Variants in PPP1CC observed in about 807,000 individuals in gnomAD.
PPP1CC encodes the protein protein phosphatase 1 catalytic subunit gamma.
PPP1CC carries 16 observed loss-of-function variants against 38.4 expected under a neutral mutation model. The observed-to-expected ratio is 0.42, with a 90% CI of 0.28 to 0.63. The LOEUF (loss-of-function observed/expected upper bound fraction) is 0.63, where lower values mean the gene tolerates loss of function less well. Ranked by LOEUF, PPP1CC falls within the 30% of genes least tolerant of loss-of-function variation. The pLI is 0.25. For synonymous variants in PPP1CC, 158 were observed against 136.0 expected, an observed-to-expected ratio of 1.16 and a Z score of -1.13; for missense variants, 170 against 391.3, an observed-to-expected ratio of 0.43 and a Z score of 4.77.
chr12:110,721,228 A>T lies in PPP1CC; in HGVS notation c.883-63T>A, dbSNP rs2069735648. 2.1e-6 allele frequency: 3 copies of T among 1,400,520 alleles called. No homozygotes were observed. The East Asian group carries it at 6.9e-5, about 32-fold the overall frequency. 86.8% of individuals were successfully genotyped at this position (1,400,520 alleles called of 1,614,324 possible). A position where few individuals can be genotyped will look rare whatever the true frequency, so the allele number is the denominator to read the frequency against. ...TCAACCCCAAATCTTAAGAGTCCTT[A>T]AATTTCATTCAGATCTTCTGTTCAG... On this transcript the variant is annotated intron_variant, in intron 6 of 6. Transcript: ENST00000335007.
At chr12:110,728,390 T>TC (rs2069831519) in intron 3 of PPP1CC, among the ~76,000 whole-genome samples, 1 of 122,012 alleles carries the variant, frequency 8.2e-6, no homozygotes, top group Non-Finnish European at 1.7e-5. Context: ...AGAGCGAGAC[T>TC]CCGTCTCAAA....
Position 110,719,931 on chromosome 12 carries a change from C to T in PPP1CC, c.*1145G>A. The T allele has an allele frequency of 1.9e-6, 1 of 515,694 alleles. No homozygotes were observed. The highest frequency in any genetic ancestry group is 3.4e-6 in the Non-Finnish European group (1 of 293,566). 31.9% of individuals were successfully genotyped at this position (515,694 alleles called of 1,614,324 possible). A position where few individuals can be genotyped will look rare whatever the true frequency, so the allele number is the denominator to read the frequency against. On this transcript the variant is annotated 3_prime_UTR_variant, in exon 7 of 7. Coordinates refer to ENST00000335007, the MANE Select transcript of PPP1CC (RefSeq NM_002710.4). ...TTAACAAGTTCATCATTTAATAAGT[C>T]TGAATTCATTTTCACCACACGGTAT...
chr12:110,742,058 A>C (rs1009397123), intron 1 of PPP1CC, among the ~76,000 whole-genome samples: 8 of 152,176 alleles, frequency 5.3e-5, no homozygotes, highest in Non-Finnish European at 1.0e-4. Flanking sequence ...ACAACTTAAA[A>C]GGATTTGGAG....
chr12:110,734,851 CATAT>C (rs1344864049), intron 1 of PPP1CC: 16 of 152,528 alleles, frequency 1.0e-4, no homozygotes, highest in African/African-American at 3.6e-4. Context: ...TAAAAGTTGT[CATAT>C]CAGGCTGGGC....
intron 1 of PPP1CC, among the ~76,000 whole-genome samples, chr12:110,739,713 T>C (rs752014778): frequency 6.6e-6 from 1 of 152,174 alleles, no homozygotes; most frequent in Non-Finnish European, 1.5e-5. Context: ...AAGATGCTTC[T>C]TGCAAACCAA....
chr12:110,735,979 C>T (rs781314120), intron 1 of PPP1CC, among the ~76,000 whole-genome samples: 17 of 152,088 alleles, frequency 1.1e-4, no homozygotes, highest in African/African-American at 2.7e-4. Context: ...GCAGGAGAAT[C>T]GCTGGAACCC....
chr12:110,728,415 C>CAAAA (rs1310771123), intron 3 of PPP1CC, among the ~76,000 whole-genome samples: 3 of 139,514 alleles, frequency 2.2e-5, no homozygotes, highest in African/African-American at 5.2e-5. Context: ...AAAAAAAAAA[C>CAAAA]AAAAAACAAA....
At chr12:110,709,427 A>C in the PPP1CC span, among the ~76,000 whole-genome samples, 1 of 151,646 alleles carries the variant, frequency 6.6e-6, no homozygotes, top group Admixed American at 6.6e-5. Context: ...ATGGAGTTTC[A>C]CTATATTGGC....
intron 1 of PPP1CC, among the ~76,000 whole-genome samples, chr12:110,737,410 G>C (rs948669145): frequency 2.0e-5 from 3 of 149,908 alleles, no homozygotes; most frequent in South Asian, 4.3e-4. Context: ...CTTGAACCTG[G>C]GTGGTGGAGG....
chr12:110,727,032 G>C (rs929882093), intron 3 of PPP1CC, among the ~76,000 whole-genome samples: 2 of 152,160 alleles, frequency 1.3e-5, no homozygotes, highest in African/African-American at 4.8e-5. Flanking sequence ...TGGTCTCCCA[G>C]GTTCCAGTGA....
Position 110,722,345 on chromosome 12 carries a change from A to G in PPP1CC, c.748-76T>C. Reference sequence around the variant, plus strand: ...AAAACCATGTTTCAGTTTCCCATTGAGCCTGATATCTTGTGTTCCAGAAAC... The same window carrying G: ...AAAACCATGTTTCAGTTTCCCATTGGGCCTGATATCTTGTGTTCCAGAAAC... On this transcript the variant is annotated intron_variant, in intron 5 of 6. Coordinates refer to ENST00000335007, the MANE Select transcript of PPP1CC (RefSeq NM_002710.4). The surrounding 1 kb of genome is among the most constrained non-coding windows in gnomAD (Gnocchi z 5.4). 6.4e-7 allele frequency: 1 copy of G among 1,574,800 alleles called. No individual in the cohort carries two copies. Among genetic ancestry groups the G allele is most frequent in the South Asian group, 1.1e-5 (1 of 88,678 alleles).
At position 110,742,808 on chromosome 12, in the gene PPP1CC, G is replaced by A; in HGVS notation, c.-101C>T. The A allele has an allele frequency of 9.9e-7, 1 of 1,014,886 alleles. No homozygotes were observed. The highest frequency in any genetic ancestry group is 1.3e-6 in the Non-Finnish European group (1 of 769,676). The allele number at this position is 1,014,886 out of a possible 1,614,324, so 62.9% of individuals were successfully genotyped here. A position where few individuals can be genotyped will look rare whatever the true frequency, so the allele number is the denominator to read the frequency against. On this transcript the variant is annotated 5_prime_UTR_variant, in exon 1 of 7. Coordinates refer to ENST00000335007, the MANE Select transcript of PPP1CC (RefSeq NM_002710.4). ...GCCACGAGCAGAGGCGGTGGTGGCGGCGGTGGCAGCAGCCGCGGCGGGTCC... is the reference window on the plus strand; with the variant it reads ...GCCACGAGCAGAGGCGGTGGTGGCGACGGTGGCAGCAGCCGCGGCGGGTCC...
chr12:110,736,321 T>A (rs573249177), intron 1 of PPP1CC, among the ~76,000 whole-genome samples: 3 of 152,308 alleles, frequency 2.0e-5, no homozygotes, highest in African/African-American at 7.2e-5. Context: ...ACATTTTTAT[T>A]GAAAACAAAC....
downstream of PPP1CC, among the ~76,000 whole-genome samples, chr12:110,719,180 CG>C (rs2069712086): frequency 6.6e-6 from 1 of 152,020 alleles, no homozygotes; most frequent in Non-Finnish European, 1.5e-5. Flanking sequence ...GAGAATATTA[CG>C]TAAAAGTGAA....
chr12:110,717,335 G>A (rs2069695031), downstream of PPP1CC, among the ~76,000 whole-genome samples: 1 of 152,132 alleles, frequency 6.6e-6, no homozygotes, highest in African/African-American at 2.4e-5. Context: ...CAAGCCAGCT[G>A]GTACATGAGG....
At chr12:110,708,850 CAAAA>C in the PPP1CC span, among the ~76,000 whole-genome samples, 2 of 65,424 alleles carry the variant, frequency 3.1e-5, no homozygotes, top group African/African-American at 9.5e-5. Context: ...GAGTCCATCT[CAAAA>C]AAAAAAAAAA....
chr12:110,711,880 G>T, the PPP1CC span, among the ~76,000 whole-genome samples: 1 of 151,936 alleles, frequency 6.6e-6, no homozygotes, highest in South Asian at 2.1e-4. Flanking sequence ...AGCCGAGATC[G>T]CACCATTGCA....
chr12:110,727,335 C>T (rs1295965309), intron 3 of PPP1CC, among the ~76,000 whole-genome samples: 1 of 152,166 alleles, frequency 6.6e-6, no homozygotes, highest in African/African-American at 2.4e-5. Flanking sequence ...TTGTTTCCTC[C>T]TTTTCCCTCT....
rs1451024915 is a variant in PPP1CC at position 110,720,538 on chromosome 12, C to T, written c.*538G>A. The T allele has an allele frequency of 8.0e-6, 2 of 249,990 alleles. No individual in the cohort carries two copies. Among genetic ancestry groups the T allele is most frequent in the Admixed American group, 1.0e-4 (2 of 19,852 alleles). The allele number at this position is 249,990 out of a possible 1,614,324, so 15.5% of individuals were successfully genotyped here. ...GTGATGCTGGCAAGGTTGAAAGTTA[C>T]TCCTAATGTTGATAGCTATAAAAAC... On this transcript the variant is annotated 3_prime_UTR_variant, in exon 7 of 7. Coordinates refer to ENST00000335007, the MANE Select transcript of PPP1CC (RefSeq NM_002710.4).
Sources: gnomAD v4.1 joint callset for allele counts (sites outside exome capture counted in the v4.1 genomes callset) on GRCh38, gnomAD v4.1.1 for gene constraint, Gnocchi (gnomAD v3.1) non-coding constraint, MANE v1.5 for transcripts, NCBI Gene and HGNC (gene_info 2026-07-23, HGNC 2026-07-21) for gene names.